CCDC138: variants seen among roughly 807,000 people sequenced by gnomAD.
The protein encoded by CCDC138 is coiled-coil domain-containing protein 138.
Under a neutral mutation model 82.3 loss-of-function variants are expected in CCDC138, and 66 were observed. That is an observed-to-expected ratio of 0.80 (90% confidence interval 0.66 to 0.98). The LOEUF (loss-of-function observed/expected upper bound fraction) is 0.98. CCDC138 is among the 50% of genes least tolerant of loss of function. CCDC138 has a pLI of 0.00. For missense variants in CCDC138, 816 were observed against 758.9 expected (o/e 1.08, Z -0.88); for synonymous variants, 297 against 265.4 (o/e 1.12, Z -1.16).
chr2:108,814,644 TTTTA>T (rs958196915), intron 9 of CCDC138, among the ~76,000 whole-genome samples: 2 of 151,404 alleles, frequency 1.3e-5, no homozygotes, highest in African/African-American at 4.8e-5. Context: ...TTTTTTGTTT[TTTTA>T]TTTTTTAATT....
chr2:108,806,878 T>A (rs771076614), intron 7 of CCDC138, among the ~76,000 whole-genome samples: 2 of 152,216 alleles, frequency 1.3e-5, no homozygotes, highest in Non-Finnish European at 2.9e-5. Context: ...AGCTTCATCA[T>A]AGGGAGATAG....
At chr2:108,883,709 A>T (rs1017998118) in intron 2 of CCDC138, 46 of 152,388 alleles carry the variant, frequency 3.0e-4, no homozygotes, top group African/African-American at 1.0e-3. Context: ...GGGGGTTGCC[A>T]TCAGGAGACA....
chr2:108,791,293 G>T (rs764401431), intron 3 of CCDC138, among the ~76,000 whole-genome samples: 1 of 151,880 alleles, frequency 6.6e-6, no homozygotes, highest in Non-Finnish European at 1.5e-5. Flanking sequence ...CTTTCTACTC[G>T]TTATGTCACC....
intron 6 of CCDC138, among the ~76,000 whole-genome samples, chr2:108,803,607 T>TG (rs960426005): frequency 6.6e-6 from 1 of 152,104 alleles, no homozygotes; most frequent in Non-Finnish European, 1.5e-5. Context: ...GCCCAGCTAG[T>TG]GGAAGTTTTT....
intron 11 of CCDC138, among the ~76,000 whole-genome samples, chr2:108,841,987 A>T (rs1356335445): frequency 6.6e-6 from 1 of 151,992 alleles, no homozygotes; most frequent in Non-Finnish European, 1.5e-5. Context: ...CCCTCCAATG[A>T]TTAGAAGTCA....
At chr2:108,836,403 A>G (rs545235404) in intron 10 of CCDC138, among the ~76,000 whole-genome samples, 1 of 152,322 alleles carries the variant, frequency 6.6e-6, no homozygotes, top group South Asian at 2.1e-4. Context: ...TTATCCATTC[A>G]TTGATAGATA....
chr2:108,789,008 T>G (rs1013576556), intron 3 of CCDC138, 42 bp downstream of exon 3: 2 of 1,605,764 alleles, frequency 1.2e-6, no homozygotes, highest in African/African-American at 2.7e-5. Context: ...CCCCTCAGTA[T>G]CTCAAAAAAC....
At chr2:108,824,815 T>C (rs1471986141) in intron 10 of CCDC138, among the ~76,000 whole-genome samples, 1 of 151,590 alleles carries the variant, frequency 6.6e-6, no homozygotes, top group Non-Finnish European at 1.5e-5. Context: ...TTTACTGCCC[T>C]ATGACATTAT....
chr2:108,820,720 C>A (rs56936346), intron 10 of CCDC138, among the ~76,000 whole-genome samples: 2,596 of 141,422 alleles, frequency 0.018, 85 homozygotes, highest in African/African-American at 0.034. Flanking sequence ...AAAAAACAAA[C>A]AACAAAACTG....
intron 11 of CCDC138, among the ~76,000 whole-genome samples, chr2:108,842,641 A>G (rs1689698856): frequency 6.6e-6 from 1 of 152,148 alleles, no homozygotes; most frequent in Admixed American, 6.5e-5. Flanking sequence ...TCATCTAGCT[A>G]TTCCATAGGG....
At chr2:108,826,637 A>G (rs942203850) in intron 10 of CCDC138, among the ~76,000 whole-genome samples, 6 of 152,110 alleles carry the variant, frequency 3.9e-5, no homozygotes, top group African/African-American at 4.8e-5. Flanking sequence ...CCGGTGTCAC[A>G]CTCGATTCAT....
At chr2:108,835,975 A>G (rs1032736647) in intron 10 of CCDC138, among the ~76,000 whole-genome samples, 2 of 152,196 alleles carry the variant, frequency 1.3e-5, no homozygotes, top group African/African-American at 2.4e-5. Context: ...AGCAGGAGAA[A>G]GGGAGCCCAG....
chr2:108,788,082 C>T lies in CCDC138; in HGVS notation c.144C>T (p.Thr48=), dbSNP rs376698352. The T allele has an allele frequency of 1.1e-5, 17 of 1,600,564 alleles. No individual in the cohort carries two copies. The African/African-American group carries it at 1.6e-4, about 15-fold the overall frequency. ...CTAAGTATAAGAGAAGAACTCTAAC[C>T]TCCCCAGGTAAGCCGGTATTTTGTA... ...YQSKYKRRTL[T]SPGDLDIYSG... is the part of the protein sequence containing the mutation. The change falls in exon 2 of 15, where the codon ACC becomes ACT. Residue 48 remains threonine (T), a synonymous_variant. Coordinates refer to ENST00000295124, the MANE Select transcript of CCDC138 (RefSeq NM_144978.3).
chr2:108,862,043 A>G (rs1449339370), intron 13 of CCDC138, among the ~76,000 whole-genome samples: 1 of 145,724 alleles, frequency 6.9e-6, no homozygotes. Flanking sequence ...TTTTTATTCC[A>G]CTATGGCCCA....
At chr2:108,843,514 C>T (rs1418900430) in intron 11 of CCDC138, among the ~76,000 whole-genome samples, 3 of 152,176 alleles carry the variant, frequency 2.0e-5, no homozygotes, top group Non-Finnish European at 4.4e-5. Flanking sequence ...ATTTTGATTT[C>T]CTTTCAATTA....
At chr2:108,796,747 C>T (rs1271284128) in intron 5 of CCDC138, among the ~76,000 whole-genome samples, 2 of 152,114 alleles carry the variant, frequency 1.3e-5, no homozygotes, top group Non-Finnish European at 2.9e-5. Flanking sequence ...CATGTTCTCA[C>T]TCGTGTGGGG....
chr2:108,806,637 G>A (rs980909300), intron 7 of CCDC138, among the ~76,000 whole-genome samples: 7 of 152,138 alleles, frequency 4.6e-5, no homozygotes, highest in Non-Finnish European at 1.0e-4. Context: ...AGTAACGAGC[G>A]TGGCTGTGTT....
intron 2 of CCDC138, chr2:108,884,419 G>A (rs1422369740): frequency 6.6e-6 from 1 of 152,214 alleles, no homozygotes; most frequent in African/African-American, 2.4e-5. Flanking sequence ...GACTGGAAGT[G>A]GAGCATCCTT....
intron 13 of CCDC138, among the ~76,000 whole-genome samples, chr2:108,867,127 G>A (rs889995495): frequency 1.3e-5 from 2 of 151,972 alleles, no homozygotes; most frequent in African/African-American, 2.4e-5. Context: ...TTATATATAT[G>A]TATAATTTAT....
Sources: gnomAD v4.1 joint callset for allele counts (sites outside exome capture counted in the v4.1 genomes callset) on GRCh38, gnomAD v4.1.1 for gene constraint, MANE v1.5 for transcripts, NCBI Gene and HGNC (gene_info 2026-07-23, HGNC 2026-07-21) for gene names.